Variants in THSD7B observed in about 807,000 individuals in gnomAD.
THSD7B encodes the protein thrombospondin type 1 domain containing 7B, also known as thrombospondin type-1 domain-containing protein 7B.
In THSD7B, 138 loss-of-function variants were observed where a neutral mutation model predicts 213.6. The observed-to-expected ratio is 0.65, with a 90% CI of 0.56 to 0.74. The LOEUF is 0.74. THSD7B is among the 30% of genes least tolerant of loss of function. The pLI is 0.00. For synonymous variants in THSD7B, 742 were observed against 687.0 expected (o/e 1.08, Z -1.25); for missense variants, 1,931 against 1,991.5 (o/e 0.97, Z 0.58).
At chr2:137,018,044 C>G (rs566022829) in intron 2 of THSD7B, among the ~76,000 whole-genome samples, 23 of 150,352 alleles carry the variant, frequency 1.5e-4, no homozygotes, top group African/African-American at 5.6e-4. Flanking sequence ...GTGAAAAACT[C>G]TGATCATTTT....
At chr2:137,246,039 G>A (rs1682024980) in intron 10 of THSD7B, among the ~76,000 whole-genome samples, 1 of 152,128 alleles carries the variant, frequency 6.6e-6, no homozygotes, top group East Asian at 1.9e-4. Flanking sequence ...GTGAGGCAAT[G>A]TCTGATCAAA....
intron 2 of THSD7B, among the ~76,000 whole-genome samples, chr2:136,981,443 T>A (rs1412632796): frequency 1.3e-5 from 2 of 152,242 alleles, no homozygotes; most frequent in Admixed American, 6.5e-5. Context: ...ATAATCTACA[T>A]GAATTTTTCT....
chr2:137,113,664 T>A (rs1346274930), intron 4 of THSD7B, among the ~76,000 whole-genome samples: 2 of 152,132 alleles, frequency 1.3e-5, no homozygotes, highest in Admixed American at 1.3e-4. Context: ...CTCGAACTCC[T>A]GACCTCAGGT....
chr2:137,173,176 C>A (rs1027583157), intron 7 of THSD7B, among the ~76,000 whole-genome samples: 7 of 152,122 alleles, frequency 4.6e-5, no homozygotes, highest in African/African-American at 9.7e-5. Flanking sequence ...AAGCCATAAA[C>A]TTATTTTATG....
chr2:136,931,877 A>G (rs1684637389), intron 2 of THSD7B, among the ~76,000 whole-genome samples: 1 of 152,186 alleles, frequency 6.6e-6, no homozygotes, highest in South Asian at 2.1e-4. Flanking sequence ...GGAGAAAACA[A>G]TTTTAGATAT....
chr2:137,424,852 A>G (rs1456418247), intron 14 of THSD7B, among the ~76,000 whole-genome samples: 1 of 152,080 alleles, frequency 6.6e-6, no homozygotes, highest in East Asian at 1.9e-4. Context: ...GAGGCAGATC[A>G]CAAAGTCGGC....
At chr2:137,282,976 A>G (rs1202119919) in intron 12 of THSD7B, among the ~76,000 whole-genome samples, 1 of 152,162 alleles carries the variant, frequency 6.6e-6, no homozygotes, top group East Asian at 1.9e-4. Context: ...ATGGCATTGA[A>G]TCTATAAATT....
intron 7 of THSD7B, among the ~76,000 whole-genome samples, chr2:137,210,236 G>A (rs990142267): frequency 2.0e-5 from 3 of 152,048 alleles, no homozygotes; most frequent in Non-Finnish European, 2.9e-5. Flanking sequence ...CTGTCATCTA[G>A]GTTCTTTATC....
intron 7 of THSD7B, among the ~76,000 whole-genome samples, chr2:137,229,150 C>A (rs148352973): frequency 1.3e-5 from 2 of 152,334 alleles, no homozygotes; most frequent in South Asian, 2.1e-4. Flanking sequence ...CCCTCACCAC[C>A]TTTCCCCTTA....
chr2:137,110,369 C>T (rs890988968), intron 4 of THSD7B, among the ~76,000 whole-genome samples: 1 of 152,184 alleles, frequency 6.6e-6, no homozygotes, highest in African/African-American at 2.4e-5. Flanking sequence ...TCTAGTCAAC[C>T]TGCTTTTTAG....
At chr2:136,797,940 G>A (rs143089641) in intron 1 of THSD7B, among the ~76,000 whole-genome samples, 16 of 152,004 alleles carry the variant, frequency 1.1e-4, no homozygotes, top group Admixed American at 3.3e-4. Context: ...TCTATTTGGA[G>A]GTGATTTATA....
Position 137,549,301 on chromosome 2 carries a change from T to TTTG in THSD7B, c.3139-13920_3139-13919insTTG, listed in dbSNP as rs1289968462. ...CCAGAAGGCAGACATGTCTTTTTTT[T>TTTG]CAGATGCTCTTTTTTTTTTTTTTTT... On this transcript the variant is annotated intron_variant, in intron 15 of 27. Transcript: ENST00000409968. 5.4e-5 allele frequency among the ~76,000 whole-genome samples: 8 copies of TTTG among 147,046 alleles called. No homozygotes were observed. In the East Asian group the frequency reaches 1.4e-3, roughly 25 times the overall value.
intron 14 of THSD7B, among the ~76,000 whole-genome samples, chr2:137,414,609 T>C (rs549966012): frequency 5.9e-5 from 9 of 152,124 alleles, no homozygotes; most frequent in Middle Eastern, 3.4e-3. Flanking sequence ...TCCCAACTAT[T>C]TGGGAGACTG....
chr2:137,600,166 G>A (rs1377211706), intron 17 of THSD7B, among the ~76,000 whole-genome samples: 1 of 152,046 alleles, frequency 6.6e-6, no homozygotes, highest in Non-Finnish European at 1.5e-5. Context: ...GTAGAAACCA[G>A]TTCAGGCATA....
intron 15 of THSD7B, among the ~76,000 whole-genome samples, chr2:137,546,931 A>G (rs1249714226): frequency 6.6e-6 from 1 of 151,940 alleles, no homozygotes; most frequent in Non-Finnish European, 1.5e-5. Context: ...CCTTAAATGA[A>G]CACTTTTCTT....
chr2:137,566,621 A>C (rs76679165), intron 16 of THSD7B, among the ~76,000 whole-genome samples: 8,717 of 152,212 alleles, frequency 0.057, 300 homozygotes, highest in Middle Eastern at 0.082. Context: ...ACTGGTACTT[A>C]GTTCATCTGG....
chr2:137,078,501 C>T (rs1295445694), intron 3 of THSD7B, among the ~76,000 whole-genome samples: 1 of 152,038 alleles, frequency 6.6e-6, no homozygotes, highest in Non-Finnish European at 1.5e-5. Context: ...TGTTTCTCTC[C>T]TCAGCTATTA....
chr2:137,659,870 G>A, intron 25 of THSD7B, 124 bp downstream of exon 25: 1 of 743,014 alleles, frequency 1.3e-6, no homozygotes, highest in Non-Finnish European at 2.1e-6. Flanking sequence ...ACCATCTAGA[G>A]GCATTTGCAG....
At chr2:136,871,256 A>T (rs967249465) in intron 1 of THSD7B, among the ~76,000 whole-genome samples, 13 of 152,152 alleles carry the variant, frequency 8.5e-5, no homozygotes, top group Admixed American at 2.0e-4. Context: ...CAGGTTGAAG[A>T]TAGGGGAATA....
Sources: gnomAD v4.1 joint callset for allele counts (sites outside exome capture counted in the v4.1 genomes callset) on GRCh38, gnomAD v4.1.1 for gene constraint, MANE v1.5 for transcripts, NCBI Gene and HGNC (gene_info 2026-07-23, HGNC 2026-07-21) for gene names.